Variants in SH2D2A observed in about 807,000 individuals in gnomAD.
The protein encoded by SH2D2A is SH2 domain-containing protein 2A.
A neutral mutation model predicts 43.6 loss-of-function variants in SH2D2A; 33 were observed. That is an observed-to-expected ratio of 0.76 (90% CI 0.57 to 1.01). SH2D2A has a LOEUF of 1.01. SH2D2A is among the 50% of genes least tolerant of loss of function. The probability of loss-of-function intolerance (pLI) is 0.00; values close to 1 mark genes in which losing one functional copy is unlikely to be tolerated. For missense variants in SH2D2A, 491 were observed against 503.1 expected, an observed-to-expected ratio of 0.98 and a Z score of 0.23; for synonymous variants, 212 against 206.1, an observed-to-expected ratio of 1.03 and a Z score of -0.25.
intron 5 of SH2D2A, among the ~76,000 whole-genome samples, chr1:156,812,051 T>C (rs1653457551): frequency 6.6e-6 from 1 of 152,124 alleles, no homozygotes; most frequent in Admixed American, 6.5e-5. Flanking sequence ...CCTGCCTGGA[T>C]GTGTTCCTCC....
chr1:156,811,120 C>T (rs919001531), intron 5 of SH2D2A, among the ~76,000 whole-genome samples: 8 of 152,166 alleles, frequency 5.3e-5, no homozygotes, highest in Non-Finnish European at 8.8e-5. Context: ...TAAAAAGTAG[C>T]ACCTCCACCC....
In SH2D2A at chr1:156,814,035, G is replaced by T; in HGVS notation, c.399-19C>A. ...CCGGCTCCTGGAGGGCGCCGTTAGG[G>T]ATCAGACTATCTCCCGCTCCTCGGC... is the stretch of plus-strand genomic sequence containing the variant. On this transcript the variant is annotated intron_variant, in intron 4 of 8. Transcript: ENST00000368199. 1 of 1,498,714 alleles carries T rather than the reference G, an allele frequency of 6.7e-7. No homozygotes were observed. 92.8% of individuals were successfully genotyped at this position (1,498,714 alleles called of 1,614,324 possible). A position where few individuals can be genotyped will look rare whatever the true frequency, so the allele number is the denominator to read the frequency against.
intron 8 of SH2D2A, among the ~76,000 whole-genome samples, chr1:156,806,912 CAT>C (rs1571604936): frequency 6.6e-6 from 1 of 152,208 alleles, no homozygotes; most frequent in East Asian, 1.9e-4. Flanking sequence ...ACTAATCAAT[CAT>C]GTGCTTTTTT....
intron 3 of SH2D2A, 162 bp from the exon 4 acceptor site, chr1:156,814,456 C>A: frequency 7.5e-7 from 1 of 1,330,444 alleles, no homozygotes; most frequent in East Asian, 2.5e-5. Flanking sequence ...GTGGGCGCTG[C>A]TCTCCCGCTG....
chr1:156,814,944 T>TG (rs1412132607), intron 3 of SH2D2A, 93 bp downstream of exon 3: 2 of 1,155,620 alleles, frequency 1.7e-6, no homozygotes, highest in Non-Finnish European at 2.3e-6. Flanking sequence ...CTGGTAGAAG[T>TG]GGGAGCCTTC....
rs773178749 is a variant in SH2D2A at position 156,809,162 on chromosome 1, G to C, written c.1002+41C>G. 2 of 1,555,866 alleles carry C rather than the reference G, an allele frequency of 1.3e-6. No individual in the cohort carries two copies. Among genetic ancestry groups the C allele is most frequent in the South Asian group, 2.5e-5 (2 of 81,202 alleles). On this transcript the variant is annotated intron_variant, in intron 7 of 8. Transcript: ENST00000368199. The surrounding 1 kb of genome is among the most constrained non-coding windows in gnomAD (Gnocchi z 4.8). ...TCACCTTCCCCCATCTACCTGCAGG[G>C]AGACCTTCTTGCACCTACCTTTCCC...
chr1:156,810,563 C>T (rs1653339757), intron 5 of SH2D2A, among the ~76,000 whole-genome samples: 1 of 151,054 alleles, frequency 6.6e-6, no homozygotes, highest in Non-Finnish European at 1.5e-5. Flanking sequence ...TTCTGTCATC[C>T]AGGCTGGAGT....
chr1:156,816,631 T>C (rs1265235881), intron 1 of SH2D2A, 44 bp downstream of exon 1: 2 of 1,580,760 alleles, frequency 1.3e-6, no homozygotes, highest in South Asian at 1.1e-5. Context: ...GGGATGGGGG[T>C]CTTTGTGCCC....
chr1:156,808,597 G>A lies in SH2D2A; in HGVS notation c.1002+606C>T, dbSNP rs1489993397. ...GGGCTTTGGGAGGGCCGCAGAGGCC[G>A]AGGGAGAGGGTGGGATGGCTGCTGG... On this transcript the variant is annotated intron_variant, in intron 7 of 8. Coordinates refer to ENST00000368199, the MANE Select transcript of SH2D2A (RefSeq NM_003975.4). Among the ~76,000 whole-genome samples, 4 of 152,050 alleles carry A rather than the reference G, an allele frequency of 2.6e-5. No homozygotes were observed. In the East Asian group the frequency reaches 5.8e-4, roughly 22 times the overall value.
chr1:156,807,509 GT>G lies in SH2D2A; in HGVS notation c.1003-165del, dbSNP rs1653056517. On this transcript the variant is annotated intron_variant, in intron 7 of 8. Transcript: ENST00000368199. This position sits in a 1 kb window ranked among gnomAD's most constrained non-coding sequence, Gnocchi z 5.1. ...CAAACATCTCCTGAGCACCTGCTCT[GT>G]GCCAGGCACTGGGCTGGGTGCTTTG... Among the ~76,000 whole-genome samples, 1 of 152,244 alleles carries G rather than the reference GT, an allele frequency of 6.6e-6. No homozygotes were observed. The highest frequency in any genetic ancestry group is 1.5e-5 in the Non-Finnish European group (1 of 68,056).
intron 5 of SH2D2A, among the ~76,000 whole-genome samples, chr1:156,811,123 C>G (rs1422862851): frequency 6.6e-6 from 1 of 152,196 alleles, no homozygotes; most frequent in Non-Finnish European, 1.5e-5. Flanking sequence ...AAAGTAGCAC[C>G]TCCACCCTGC....
rs995096158 is a variant in SH2D2A at position 156,807,810 on chromosome 1, G to A, written c.1003-465C>T. 3.9e-5 allele frequency among the ~76,000 whole-genome samples: 6 copies of A among 152,202 alleles called. No homozygotes were observed. Among genetic ancestry groups the A allele is most frequent in the African/African-American group, 1.4e-4 (6 of 41,446 alleles). ...AACCCCAGGAGGCTTGAAACCACTT[G>A]GTGAGTTTAGAGAAATGTGAATCAT... On this transcript the variant is annotated intron_variant, in intron 7 of 8. Coordinates refer to ENST00000368199, the MANE Select transcript of SH2D2A (RefSeq NM_003975.4). This position sits in a 1 kb window ranked among gnomAD's most constrained non-coding sequence, Gnocchi z 5.1.
At chr1:156,814,598 TC>T (rs939850062) in intron 3 of SH2D2A, 1 of 476,298 alleles carries the variant, frequency 2.1e-6, no homozygotes, top group Non-Finnish European at 3.7e-6. Flanking sequence ...TAGTTGGACT[TC>T]CAGATTTCAG....
Position 156,812,922 on chromosome 1 carries a change from C to T in SH2D2A, c.567+926G>A, listed in dbSNP as rs147564016. Reference sequence around the variant, plus strand: ...TGTTTTTCCAGTGCGCAGAAAGTTGCGTGGCACACAGTGGTCCCTCAGCAC... The same window carrying T: ...TGTTTTTCCAGTGCGCAGAAAGTTGTGTGGCACACAGTGGTCCCTCAGCAC... On this transcript the variant is annotated intron_variant, in intron 5 of 8. Transcript: ENST00000368199. Among the ~76,000 whole-genome samples, 262 of 152,348 alleles carry T rather than the reference C, an allele frequency of 1.7e-3. 2 individuals carry two copies. The highest frequency in any genetic ancestry group is 5.8e-3 in the African/African-American group (241 of 41,594).
intron 4 of SH2D2A, 90 bp from the exon 5 acceptor site, chr1:156,814,106 G>A (rs1653642559): frequency 5.2e-6 from 8 of 1,527,826 alleles, no homozygotes; most frequent in Non-Finnish European, 7.0e-6. Context: ...AGCAGCCCGG[G>A]GAATGAGCTA....
intron 5 of SH2D2A, among the ~76,000 whole-genome samples, chr1:156,811,526 T>C (rs915142627): frequency 6.6e-6 from 1 of 152,190 alleles, no homozygotes; most frequent in Non-Finnish European, 1.5e-5. Flanking sequence ...CCCTACGCCC[T>C]GTGAATCTCA....
rs1441901591 is a variant in SH2D2A, at chr1:156,814,242, A to C, written c.361T>G (p.Phe121Val). The change falls in exon 4 of 9, where the codon TTC becomes GTC. Residue 121 changes from phenylalanine (F) to valine (V), a missense_variant. Transcript: ENST00000368199. Reference sequence around the variant, plus strand: ...ACGAAGGTCACCGCGCTCTCGCTGAACCGCACCAAGTAGCACCCCTGAGGC... The same window carrying C: ...ACGAAGGTCACCGCGCTCTCGCTGACCCGCACCAAGTAGCACCCCTGAGGC... ...PKPQGCYLVRFSESAVTFVLT... is the reference protein window; with the variant it reads ...PKPQGCYLVRVSESAVTFVLT... 1.9e-6 allele frequency: 3 copies of C among 1,613,768 alleles called. No individual in the cohort carries two copies. Among genetic ancestry groups the C allele is most frequent in the Non-Finnish European group, 2.5e-6 (3 of 1,179,964 alleles).
At position 156,809,900 on chromosome 1, in the gene SH2D2A, A is replaced by T; in HGVS notation, c.568-93T>A. 3.6e-6 allele frequency: 5 copies of T among 1,370,496 alleles called. No homozygotes were observed. The highest frequency in any genetic ancestry group is 5.1e-6 in the Non-Finnish European group (5 of 989,212). 84.9% of individuals were successfully genotyped at this position (1,370,496 alleles called of 1,614,324 possible). A position where few individuals can be genotyped will look rare whatever the true frequency, so the allele number is the denominator to read the frequency against. On this transcript the variant is annotated intron_variant, in intron 5 of 8. Transcript: ENST00000368199. The surrounding 1 kb of genome is among the most constrained non-coding windows in gnomAD (Gnocchi z 4.8). ...CAAAATAATCCAGTCTAAGTGGAGG[A>T]TGGGGGAAGGGGGAGGAGCACAGAA...
rs764209790 is a variant in SH2D2A at position 156,809,306 on chromosome 1, G to C, written c.899C>G (p.Ala300Gly). 3 of 1,614,072 alleles carry C rather than the reference G, an allele frequency of 1.9e-6. No homozygotes were observed. The African/African-American group carries it at 4.0e-5, about 22-fold the overall frequency. The change falls in exon 7 of 9, where the codon GCC becomes GGC. Residue 300 changes from alanine (A) to glycine (G), a missense_variant. Physicochemically the swap from Ala to Gly is moderately conservative, Grantham distance 60 (BLOSUM62 0). Transcript: ENST00000368199. This position sits in a 1 kb window ranked among gnomAD's most constrained non-coding sequence, Gnocchi z 4.8. ...CACTTCCACATAGATGTTGCTGGGGGCTTCCCCAGGGCTGCCCCGGCCCAT... is the reference window on the plus strand; with the variant it reads ...CACTTCCACATAGATGTTGCTGGGGCCTTCCCCAGGGCTGCCCCGGCCCAT... ...YAMGRGSPGEAPSNIYVEVED... is the reference protein window; with the variant it reads ...YAMGRGSPGEGPSNIYVEVED...
Sources: gnomAD v4.1 joint callset for allele counts (sites outside exome capture counted in the v4.1 genomes callset) on GRCh38, gnomAD v4.1.1 for gene constraint, Gnocchi (gnomAD v3.1) non-coding constraint, MANE v1.5 for transcripts, NCBI Gene and HGNC (gene_info 2026-07-23, HGNC 2026-07-21) for gene names.